Variants in CSMD1 observed in about 807,000 individuals in gnomAD.
CSMD1 encodes the protein CUB and sushi domain-containing protein 1.
In CSMD1, 213 loss-of-function variants were observed where a neutral mutation model predicts 417.5. The observed-to-expected ratio is 0.51, with a 90% CI of 0.46 to 0.57. The LOEUF is 0.57. CSMD1 is among the 20% of genes least tolerant of loss of function. The probability of loss-of-function intolerance (pLI) is 0.00; values close to 1 mark genes in which losing one functional copy is unlikely to be tolerated. For missense variants in CSMD1, 6,923 were observed against 4,529.7 expected, an observed-to-expected ratio of 1.53 and a Z score of -15.17; for synonymous variants, 2,862 against 1,736.8, an observed-to-expected ratio of 1.65 and a Z score of -16.11.
At chr8:3,040,372 G>C (rs903723700) in intron 50 of CSMD1, among the ~76,000 whole-genome samples, 1 of 117,370 alleles carries the variant, frequency 8.5e-6, no homozygotes, top group South Asian at 2.8e-4. Context: ...GGTGTAGATA[G>C]CATATACACA....
At chr8:4,862,753 A>G (rs185916822) in intron 1 of CSMD1, among the ~76,000 whole-genome samples, 6 of 152,206 alleles carry the variant, frequency 3.9e-5, no homozygotes, top group East Asian at 3.9e-4. Context: ...CACAGTAGCG[A>G]CAACTTGGAA....
intron 3 of CSMD1, among the ~76,000 whole-genome samples, chr8:4,264,323 T>A (rs1036464153): frequency 5.9e-5 from 9 of 152,176 alleles, no homozygotes; most frequent in African/African-American, 2.2e-4. Context: ...GACATTCAAT[T>A]TTCAGGAAAA....
intron 2 of CSMD1, among the ~76,000 whole-genome samples, chr8:4,454,408 G>A (rs548037303): frequency 7.2e-5 from 11 of 152,106 alleles, no homozygotes; most frequent in Admixed American, 2.6e-4. Context: ...TATACCTCTA[G>A]GAGATCTTCT....
rs942571295 is a variant in CSMD1 at position 4,045,757 on chromosome 8, A to T, written c.416-13658T>A. On this transcript the variant is annotated intron_variant, in intron 3 of 69. Coordinates refer to ENST00000635120, the MANE Select transcript of CSMD1 (RefSeq NM_033225.6). The stretch of plus-strand genomic sequence containing the variant: ...TGTGAACACCAGTGAACTGTGAAAC[A>T]CAAAGACTAAATTACACACTTTAAA... 2.0e-5 allele frequency among the ~76,000 whole-genome samples: 3 copies of T among 152,352 alleles called. No individual in the cohort carries two copies. In the East Asian group the frequency reaches 5.8e-4, roughly 29 times the overall value.
chr8:4,564,707 C>T (rs1288248628), intron 2 of CSMD1, among the ~76,000 whole-genome samples: 1 of 152,100 alleles, frequency 6.6e-6, no homozygotes, highest in Non-Finnish European at 1.5e-5. Flanking sequence ...TGAATGCATA[C>T]CCTGATAATA....
At chr8:4,278,376 A>C (rs1171021739) in intron 3 of CSMD1, among the ~76,000 whole-genome samples, 1 of 152,196 alleles carries the variant, frequency 6.6e-6, no homozygotes, top group East Asian at 1.9e-4. Flanking sequence ...AAACTATAAA[A>C]TTATCAGCTA....
chr8:2,951,682 G>GA (rs1313840175), intron 65 of CSMD1, among the ~76,000 whole-genome samples: 1 of 152,140 alleles, frequency 6.6e-6, no homozygotes, highest in Non-Finnish European at 1.5e-5. Context: ...TCTACTCTTT[G>GA]AAAGACTTGG....
At chr8:4,650,141 C>G (rs1361501106) in intron 1 of CSMD1, among the ~76,000 whole-genome samples, 1 of 151,890 alleles carries the variant, frequency 6.6e-6, no homozygotes, top group Non-Finnish European at 1.5e-5. Flanking sequence ...GTCAGGAGAT[C>G]GAGACCATCC....
chr8:2,962,969 G>T (rs1205520427), intron 60 of CSMD1, among the ~76,000 whole-genome samples: 3 of 152,130 alleles, frequency 2.0e-5, no homozygotes, highest in African/African-American at 7.2e-5. Flanking sequence ...GATGGTTTGA[G>T]CCCGAGAGAT....
At chr8:3,301,954 C>G (rs550092463) in intron 25 of CSMD1, among the ~76,000 whole-genome samples, 3 of 151,854 alleles carry the variant, frequency 2.0e-5, no homozygotes. Context: ...TTTTCAGTGT[C>G]TCGTCTAAAG....
At chr8:3,828,790 C>A (rs931588411) in intron 5 of CSMD1, among the ~76,000 whole-genome samples, 1 of 152,128 alleles carries the variant, frequency 6.6e-6, no homozygotes, top group Admixed American at 6.5e-5. Context: ...AAGCATCCTT[C>A]CACTGCACCT....
chr8:4,638,559 G>T lies in CSMD1; in HGVS notation c.86-1001C>A, dbSNP rs577345764. Among the ~76,000 whole-genome samples the T allele has an allele frequency of 1.9e-4, 29 of 152,316 alleles. No homozygotes were observed. The South Asian group carries it at 2.7e-3, about 14-fold the overall frequency. ...ACCCGTTCACACAGGCAGGACTTAG[G>T]AGGTGGAGCAGAAAGGAAGGTGTAC... On this transcript the variant is annotated intron_variant, in intron 1 of 69. Transcript: ENST00000635120.
intron 23 of CSMD1, among the ~76,000 whole-genome samples, chr8:3,315,815 A>C (rs1383128758): frequency 6.6e-6 from 1 of 152,210 alleles, no homozygotes; most frequent in Admixed American, 6.5e-5. Context: ...CAAACTTTTA[A>C]TAAATCATAA....
At chr8:3,969,311 C>T (rs906045040) in intron 5 of CSMD1, among the ~76,000 whole-genome samples, 22 of 152,092 alleles carry the variant, frequency 1.4e-4, no homozygotes, top group African/African-American at 4.8e-4. Context: ...GGAGAAAGGG[C>T]TTCCCAGGCC....
intron 1 of CSMD1, among the ~76,000 whole-genome samples, chr8:4,772,270 A>G (rs1368443793): frequency 6.6e-6 from 1 of 152,204 alleles, no homozygotes; most frequent in African/African-American, 2.4e-5. Context: ...AGTCAGCAAC[A>G]GTGAACCAGT....
intron 49 of CSMD1, among the ~76,000 whole-genome samples, chr8:3,069,424 G>T (rs1017191595): frequency 6.6e-6 from 1 of 150,454 alleles, no homozygotes; most frequent in East Asian, 1.9e-4. Context: ...GACAGAGTGA[G>T]ACTCTGTCTG....
rs993521055 is a variant in CSMD1, at chr8:4,014,659, G to T, written c.611-16549C>A. Among the ~76,000 whole-genome samples the T allele has an allele frequency of 5.9e-5, 9 of 152,164 alleles. No individual in the cohort carries two copies. In the South Asian group the frequency reaches 1.9e-3, roughly 32 times the overall value. On this transcript the variant is annotated intron_variant, in intron 4 of 69. Coordinates refer to ENST00000635120, the MANE Select transcript of CSMD1 (RefSeq NM_033225.6). ...CAGAGCCTGGGTCTTAGCAAGAAAA[G>T]AGCTCGTCTGAGCTGTGCCAACTTG...
rs779230644 is a variant in CSMD1, at chr8:3,889,981, G to C, written c.818+107922C>G. Among the ~76,000 whole-genome samples, 5 of 152,070 alleles carry C rather than the reference G, an allele frequency of 3.3e-5. No homozygotes were observed. In the South Asian group the frequency reaches 6.2e-4, roughly 19 times the overall value. On this transcript the variant is annotated intron_variant, in intron 5 of 69. Transcript: ENST00000635120. ...GAGGATTGCTTGAACCCAGGAGCTCGAGACAACCCTGGGAATATAGGGAGA... is the reference window on the plus strand; with the variant it reads ...GAGGATTGCTTGAACCCAGGAGCTCCAGACAACCCTGGGAATATAGGGAGA...
At chr8:4,519,060 A>G (rs1470782600) in intron 2 of CSMD1, among the ~76,000 whole-genome samples, 1 of 152,194 alleles carries the variant, frequency 6.6e-6, no homozygotes, top group African/African-American at 2.4e-5. Context: ...CATCTTTTAG[A>G]ACAAGAGTCC....
Sources: gnomAD v4.1 joint callset for allele counts (sites outside exome capture counted in the v4.1 genomes callset) on GRCh38, gnomAD v4.1.1 for gene constraint, MANE v1.5 for transcripts, NCBI Gene and HGNC (gene_info 2026-07-23, HGNC 2026-07-21) for gene names.